The following ASB4 variants were observed in gnomAD, a reference collection of about 807,000 sequenced individuals.
ASB4 encodes the protein ankyrin repeat and SOCS box containing 4.
ASB4 carries 35 observed loss-of-function variants against 38.6 expected under a neutral mutation model. The ratio of observed to expected loss-of-function variants is 0.91; its 90% confidence interval spans 0.69 to 1.20. The LOEUF (loss-of-function observed/expected upper bound fraction) is 1.20. ASB4 is among the 50% of genes most tolerant of loss of function. ASB4 has a pLI of 0.00. For synonymous variants in ASB4, 195 were observed against 201.3 expected (o/e 0.97, Z 0.26); for missense variants, 557 against 527.2 (o/e 1.06, Z -0.55).
rs555712451 is a variant in ASB4 at position 95,491,601 on chromosome 7, C to A, written c.188-4157C>A. On this transcript the variant is annotated intron_variant, in intron 1 of 4. Transcript: ENST00000325885. ...AGGGAGTGTGTAAAAAATGAATCTG[C>A]CTCATCAGTTAATTGTGTTTCTAGC... 2.6e-5 allele frequency among the ~76,000 whole-genome samples: 4 copies of A among 152,240 alleles called. No individual in the cohort carries two copies. The South Asian group carries it at 6.2e-4, about 24-fold the overall frequency.
At chr7:95,495,700 G>A in intron 1 of ASB4, 58 bp from the exon 2 acceptor site, 1 of 1,495,906 alleles carries the variant, frequency 6.7e-7, no homozygotes, top group East Asian at 2.3e-5. Flanking sequence ...CACAAAACAG[G>A]GAGAAAGCCT....
intron 2 of ASB4, among the ~76,000 whole-genome samples, chr7:95,497,259 G>A (rs1378113371): frequency 6.6e-6 from 1 of 152,218 alleles, no homozygotes; most frequent in African/African-American, 2.4e-5. Context: ...GAAGCAGGGA[G>A]ACCAGTAGGG....
intron 3 of ASB4, among the ~76,000 whole-genome samples, chr7:95,532,058 G>T (rs1790826604): frequency 6.6e-6 from 1 of 152,158 alleles, no homozygotes; most frequent in African/African-American, 2.4e-5. Context: ...CCCCTCCAAA[G>T]GAAAAGTAAA....
chr7:95,496,027 A>G lies in ASB4; in HGVS notation c.457A>G (p.Ile153Val), dbSNP rs754642300. ...GCACTTTTGTACAACTCCAAGTTCC[A>G]TTCTCTGTGCCAAGCAATTGGTTTG... ...ALHFCTTPSS[I>V]LCAKQLVWRG... Residue 153 changes from isoleucine (I) to valine (V), a missense_variant, in exon 2 of 5, where the codon ATT (isoleucine) becomes GTT (valine). By Grantham distance (29) the Ile-to-Val change is conservative. Transcript: ENST00000325885. The G allele has an allele frequency of 8.7e-6, 14 of 1,613,514 alleles. No individual in the cohort carries two copies. The highest frequency in any genetic ancestry group is 1.0e-5 in the Non-Finnish European group (12 of 1,179,680).
At chr7:95,489,913 A>G (rs751699028) in intron 1 of ASB4, among the ~76,000 whole-genome samples, 28 of 152,336 alleles carry the variant, frequency 1.8e-4, no homozygotes, top group Admixed American at 5.9e-4. Flanking sequence ...AGGACTGTCC[A>G]TAAAACTGTT....
At chr7:95,497,666 C>T (rs1199994338) in intron 2 of ASB4, among the ~76,000 whole-genome samples, 3 of 152,138 alleles carry the variant, frequency 2.0e-5, no homozygotes, top group Non-Finnish European at 4.4e-5. Context: ...TAAAAAGTTT[C>T]CTGATGCCCT....
chr7:95,531,303 C>T (rs1790816272), intron 3 of ASB4, among the ~76,000 whole-genome samples: 2 of 152,192 alleles, frequency 1.3e-5, no homozygotes, highest in African/African-American at 4.8e-5. Flanking sequence ...TTCTTCATGA[C>T]GTTAGCTCTA....
rs775399940 is a variant in ASB4, at chr7:95,528,238, G to A, written c.913G>A (p.Glu305Lys). 3.1e-6 allele frequency: 5 copies of A among 1,614,172 alleles called. No individual in the cohort carries two copies. The Admixed American group carries it at 6.7e-5, about 22-fold the overall frequency. ...CTCCGTGCGCCCTGCTGCCCAGCCTGAGATCTGCTACCAGCTCCTGTTGAA... is the reference window on the plus strand; with the variant it reads ...CTCCGTGCGCCCTGCTGCCCAGCCTAAGATCTGCTACCAGCTCCTGTTGAA... ...VTSVRPAAQP[E>K]ICYQLLLNHG... The change falls in exon 3 of 5, where the codon GAG becomes AAG. Residue 305 changes from glutamate (E) to lysine (K), a missense_variant. Coordinates refer to ENST00000325885, the MANE Select transcript of ASB4 (RefSeq NM_016116.3).
At chr7:95,514,213 A>T (rs1790523926) in intron 2 of ASB4, among the ~76,000 whole-genome samples, 1 of 152,124 alleles carries the variant, frequency 6.6e-6, no homozygotes, top group Non-Finnish European at 1.5e-5. Flanking sequence ...TTCTCTACTC[A>T]GTCTGGGCTT....
At chr7:95,487,021 C>A (rs1790100434) in intron 1 of ASB4, among the ~76,000 whole-genome samples, 1 of 152,098 alleles carries the variant, frequency 6.6e-6, no homozygotes, top group African/African-American at 2.4e-5. Context: ...AATATAGATG[C>A]TAAGGTCTTG....
At chr7:95,475,243 T>C (rs1430508083), upstream of ASB4, among the ~76,000 whole-genome samples, 1 of 152,190 alleles carries the variant, frequency 6.6e-6, no homozygotes, top group Admixed American at 6.5e-5. Context: ...TCATATACTA[T>C]ACACTCACTA....
At chr7:95,548,806 C>G in the ASB4 span, among the ~76,000 whole-genome samples, 15 of 152,264 alleles carry the variant, frequency 9.9e-5, no homozygotes, top group Admixed American at 8.5e-4. Flanking sequence ...TTATTTATAG[C>G]AAACCTGACA....
At chr7:95,488,152 T>A (rs1790119024) in intron 1 of ASB4, among the ~76,000 whole-genome samples, 1 of 152,146 alleles carries the variant, frequency 6.6e-6, no homozygotes, top group Admixed American at 6.5e-5. Context: ...CCATCCTGCC[T>A]AACACGGTGA....
At chr7:95,504,281 C>T (rs1341903388) in intron 2 of ASB4, among the ~76,000 whole-genome samples, 1 of 152,130 alleles carries the variant, frequency 6.6e-6, no homozygotes, top group Non-Finnish European at 1.5e-5. Flanking sequence ...GACATGGGGG[C>T]AATGTAAAGG....
intron 2 of ASB4, among the ~76,000 whole-genome samples, chr7:95,520,081 T>C (rs1790639501): frequency 1.3e-5 from 2 of 152,182 alleles, no homozygotes; most frequent in South Asian, 4.1e-4. Context: ...GAAAAACCTT[T>C]AATAAAATAT....
chr7:95,527,847 T>A lies in ASB4; in HGVS notation c.522T>A (p.Asp174Glu). The part of the protein sequence containing the change: ...ANVNMKTNNQ[D>E]EETPLHTAAH... ...TGAACATGAAGACCAACAACCAAGA[T>A]GAGGAGACGCCCTTGCACACGGCTG... The change falls in exon 3 of 5, where the codon GAT (aspartate) becomes GAA (glutamate). Residue 174 changes from aspartate (D) to glutamate (E), a missense_variant. Physicochemically the swap from Asp to Glu is conservative, Grantham distance 45 (BLOSUM62 2). Transcript: ENST00000325885. 1 of 1,607,548 alleles carries A rather than the reference T, an allele frequency of 6.2e-7. No individual in the cohort carries two copies. The highest frequency in any genetic ancestry group is 8.5e-7 in the Non-Finnish European group (1 of 1,174,894).
chr7:95,477,422 C>A (rs935902030), upstream of ASB4, among the ~76,000 whole-genome samples: 2 of 152,084 alleles, frequency 1.3e-5, no homozygotes, highest in African/African-American at 4.8e-5. Context: ...TTGAACATTG[C>A]TCATTTTATA....
chr7:95,539,021 T>C lies in ASB4; in HGVS notation c.*1262T>C, dbSNP rs772386947. ...TGGATTGCAGAAAGAAAAATGTAGG[T>C]GATTAAGCTCTGGGCCTTGTGGTTT... On this transcript the variant is annotated 3_prime_UTR_variant, in exon 5 of 5. Coordinates refer to ENST00000325885, the MANE Select transcript of ASB4 (RefSeq NM_016116.3). The C allele has an allele frequency of 6.6e-6, 1 of 152,150 alleles. No individual in the cohort carries two copies. Among genetic ancestry groups the C allele is most frequent in the African/African-American group, 2.4e-5 (1 of 41,432 alleles). 9.4% of individuals were successfully genotyped at this position (152,150 alleles called of 1,614,324 possible).
chr7:95,488,437 G>A (rs560568720), intron 1 of ASB4, among the ~76,000 whole-genome samples: 6 of 152,322 alleles, frequency 3.9e-5, no homozygotes, highest in African/African-American at 1.4e-4. Flanking sequence ...AGTTAGGAAT[G>A]GAAATGACAA....
Sources: allele counts gnomAD v4.1 joint callset (sites outside exome capture counted in the v4.1 genomes callset), GRCh38; gene constraint gnomAD v4.1.1; transcripts MANE v1.5; gene names NCBI Gene and HGNC (gene_info 2026-07-23, HGNC 2026-07-21).